BCAS3: variants seen among roughly 807,000 people sequenced by gnomAD.
BCAS3 encodes BCAS3 microtubule associated cell migration factor.
Under a neutral mutation model 116.1 loss-of-function variants are expected in BCAS3, and 53 were observed. The observed-to-expected ratio is 0.46, with a 90% confidence interval of 0.37 to 0.57. The LOEUF is 0.57. BCAS3 is among the 20% of genes least tolerant of loss of function. The pLI is 0.00. For synonymous variants in BCAS3, 391 were observed against 408.2 expected (o/e 0.96, Z 0.51); for missense variants, 917 against 1,165.4 (o/e 0.79, Z 3.10).
At position 61,366,010 on chromosome 17, in the gene BCAS3, G is replaced by A. The variant is rs1471564084; in HGVS notation, c.2426-2317G>A. Among the ~76,000 whole-genome samples, 1 of 152,010 alleles carries A rather than the reference G, an allele frequency of 6.6e-6. No individual in the cohort carries two copies. The highest frequency in any genetic ancestry group is 2.4e-5 in the African/African-American group (1 of 41,378). On this transcript the variant is annotated intron_variant, in intron 22 of 23. Coordinates refer to ENST00000407086, the MANE Select transcript of BCAS3 (RefSeq NM_017679.5). The surrounding 1 kb of genome is among the most constrained non-coding windows in gnomAD (Gnocchi z 4.5). ...ACACAAAAATTAGCCAGGCATGATG[G>A]CACATGCTTGTAGTCCCAGCTACTC... is the stretch of plus-strand genomic sequence containing the variant.
Position 61,343,064 on chromosome 17 carries a change from T to TA in BCAS3, c.2426-25260dup, listed in dbSNP as rs1170187357. ...ACTGAGCCCAGCCGAGATTTTCTTT[T>TA]AAAGGAAGGTGAGAGAGTAACTTCT... On this transcript the variant is annotated intron_variant, in intron 22 of 23. Coordinates refer to ENST00000407086, the MANE Select transcript of BCAS3 (RefSeq NM_017679.5). This position sits in a 1 kb window ranked among gnomAD's most constrained non-coding sequence, Gnocchi z 5.5. Among the ~76,000 whole-genome samples the TA allele has an allele frequency of 6.6e-6, 1 of 152,210 alleles. No homozygotes were observed. Among genetic ancestry groups the TA allele is most frequent in the African/African-American group, 2.4e-5 (1 of 41,452 alleles).
intron 19 of BCAS3, among the ~76,000 whole-genome samples, chr17:61,043,051 A>G (rs1323415968): frequency 1.3e-5 from 2 of 151,590 alleles, no homozygotes; most frequent in Non-Finnish European, 2.9e-5. Context: ...GACCTGTGAG[A>G]TGTTTAATAG....
intron 23 of BCAS3, among the ~76,000 whole-genome samples, chr17:61,369,896 G>A (rs2058958519): frequency 1.3e-5 from 2 of 152,230 alleles, no homozygotes; most frequent in African/African-American, 4.8e-5. Context: ...GGGGTCCCTA[G>A]CCAGCCTCGG....
At chr17:60,710,418 T>C (rs529605993) in intron 5 of BCAS3, among the ~76,000 whole-genome samples, 2 of 152,048 alleles carry the variant, frequency 1.3e-5, no homozygotes, top group South Asian at 4.2e-4. Context: ...CATTCACCTT[T>C]CAATTCTTTA....
At chr17:60,905,481 T>C (rs915857895) in intron 11 of BCAS3, among the ~76,000 whole-genome samples, 3 of 152,246 alleles carry the variant, frequency 2.0e-5, no homozygotes, top group Non-Finnish European at 4.4e-5. Context: ...TCTCAAATTA[T>C]CAAACTTGTT....
chr17:61,172,209 CAAG>C (rs2078876935), intron 22 of BCAS3, among the ~76,000 whole-genome samples: 2 of 152,038 alleles, frequency 1.3e-5, no homozygotes, highest in African/African-American at 4.8e-5. Context: ...AAAGAATCAG[CAAG>C]AAGGAGATAG....
At chr17:61,096,040 C>T (rs2073947369) in intron 22 of BCAS3, among the ~76,000 whole-genome samples, 1 of 152,066 alleles carries the variant, frequency 6.6e-6, no homozygotes, top group South Asian at 2.1e-4. Flanking sequence ...CTCTGTTGTC[C>T]AGGCTGGAGT....
intron 22 of BCAS3, among the ~76,000 whole-genome samples, chr17:61,174,461 A>C (rs2079025867): frequency 1.3e-5 from 2 of 152,324 alleles, no homozygotes; most frequent in South Asian, 4.1e-4. Context: ...AATGTCCTCC[A>C]AGCTCATCCA....
rs2057380379 is a variant in BCAS3, at chr17:61,344,500, T to C, written c.2426-23827T>C. Among the ~76,000 whole-genome samples, 1 of 152,082 alleles carries C rather than the reference T, an allele frequency of 6.6e-6. No homozygotes were observed. Among genetic ancestry groups the C allele is most frequent in the Admixed American group, 6.5e-5 (1 of 15,278 alleles). The stretch of plus-strand genomic sequence containing the variant: ...GAAGGTGGGTCCTAAGTTTTGAGGG[T>C]ACCATGGAGAGCAAAGTAGATGATA... On this transcript the variant is annotated intron_variant, in intron 22 of 23. Coordinates refer to ENST00000407086, the MANE Select transcript of BCAS3 (RefSeq NM_017679.5). The surrounding 1 kb of genome is among the most constrained non-coding windows in gnomAD (Gnocchi z 4.1).
chr17:61,163,068 G>A (rs2078256171), intron 22 of BCAS3, among the ~76,000 whole-genome samples: 1 of 152,088 alleles, frequency 6.6e-6, no homozygotes, highest in South Asian at 2.1e-4. Context: ...ATTTACCAGA[G>A]GAAATGTTGT....
At chr17:60,842,069 A>G (rs1233964382) in intron 7 of BCAS3, among the ~76,000 whole-genome samples, 4 of 152,214 alleles carry the variant, frequency 2.6e-5, no homozygotes, top group African/African-American at 9.6e-5. Context: ...ACTCGTTTTT[A>G]GGTATGTTAT....
Position 61,037,441 on chromosome 17 carries a change from G to A in BCAS3, c.1763-448G>A, listed in dbSNP as rs79210608. On this transcript the variant is annotated intron_variant, in intron 17 of 23. Coordinates refer to ENST00000407086, the MANE Select transcript of BCAS3 (RefSeq NM_017679.5). This position sits in a 1 kb window ranked among gnomAD's most constrained non-coding sequence, Gnocchi z 4.7. ...CATATTCACTAGCATGTGCTTATAC[G>A]AGGCAACCTTTAGGCAAGGAACAAG... Among the ~76,000 whole-genome samples, 46 of 152,252 alleles carry A rather than the reference G, an allele frequency of 3.0e-4. 1 individual carries two copies. The East Asian group carries it at 8.9e-3, about 29-fold the overall frequency.
intron 22 of BCAS3, among the ~76,000 whole-genome samples, chr17:61,221,775 A>T (rs2082125127): frequency 6.6e-6 from 1 of 152,194 alleles, no homozygotes; most frequent in South Asian, 2.1e-4. Context: ...TGAAGGAAAA[A>T]ACCACAAGAA....
chr17:60,811,063 A>T (rs2048767099), intron 7 of BCAS3: 2 of 638,250 alleles, frequency 3.1e-6, no homozygotes, highest in South Asian at 3.0e-5. Context: ...CATGGAGCTG[A>T]GACGTACAGT....
chr17:60,851,416 C>T, intron 7 of BCAS3: 1 of 413,200 alleles, frequency 2.4e-6, no homozygotes. Flanking sequence ...ACCGAAGGGG[C>T]CGCCAAGGAA....
At chr17:60,825,566 ATAAT>A (rs2050333299) in intron 7 of BCAS3, among the ~76,000 whole-genome samples, 1 of 142,300 alleles carries the variant, frequency 7.0e-6, no homozygotes, top group Non-Finnish European at 1.6e-5. Flanking sequence ...TAATTTATAA[ATAAT>A]TATTATTTAT....
At chr17:61,342,741 ATTTTC>A (rs1376044659) in intron 22 of BCAS3, among the ~76,000 whole-genome samples, 6 of 146,204 alleles carry the variant, frequency 4.1e-5, no homozygotes, top group African/African-American at 7.7e-5. Flanking sequence ...GTATGAAGAG[ATTTTC>A]TTTTCTTTTT....
rs1452062500 is a variant in BCAS3, at chr17:61,034,300, A to G, written c.1638-366A>G. On this transcript the variant is annotated intron_variant, in intron 16 of 23. Coordinates refer to ENST00000407086, the MANE Select transcript of BCAS3 (RefSeq NM_017679.5). The surrounding 1 kb of genome is among the most constrained non-coding windows in gnomAD (Gnocchi z 5.0). ...ATCAACCTAATATATATAGAAATGA[A>G]GTGATAAACCATTTTATTATTGTGA... 3.3e-5 allele frequency among the ~76,000 whole-genome samples: 5 copies of G among 152,250 alleles called. No homozygotes were observed. Among genetic ancestry groups the G allele is most frequent in the African/African-American group, 9.6e-5 (4 of 41,460 alleles).
chr17:61,053,302 C>A (rs1202369673), intron 19 of BCAS3, among the ~76,000 whole-genome samples: 1 of 152,132 alleles, frequency 6.6e-6, no homozygotes, highest in Admixed American at 6.5e-5. Flanking sequence ...CAATATTTTT[C>A]ATTCTAATAT....
Sources: gnomAD v4.1 joint callset for allele counts (sites outside exome capture counted in the v4.1 genomes callset) on GRCh38, gnomAD v4.1.1 for gene constraint, Gnocchi (gnomAD v3.1) non-coding constraint, MANE v1.5 for transcripts, NCBI Gene and HGNC (gene_info 2026-07-23, HGNC 2026-07-21) for gene names.